Variants in IMMP2L observed in about 807,000 individuals in gnomAD.
The protein encoded by IMMP2L is inner mitochondrial membrane peptidase subunit 2, also known as mitochondrial inner membrane protease subunit 2.
In IMMP2L, 18 loss-of-function variants were observed where a neutral mutation model predicts 19.3. That is an observed-to-expected ratio of 0.93 (90% CI 0.64 to 1.38). IMMP2L has a LOEUF of 1.38. IMMP2L is among the 40% of genes most tolerant of loss of function. The pLI, the probability that IMMP2L is intolerant of heterozygous loss-of-function variation, is 0.00. For synonymous variants in IMMP2L, 76 were observed against 73.0 expected, an observed-to-expected ratio of 1.04 and a Z score of -0.21; for missense variants, 233 against 218.2, an observed-to-expected ratio of 1.07 and a Z score of -0.43.
chr7:111,073,276 A>G (rs1310809943), intron 3 of IMMP2L, among the ~76,000 whole-genome samples: 1 of 152,154 alleles, frequency 6.6e-6, no homozygotes, highest in East Asian at 1.9e-4. Context: ...GGTGGGGGAG[A>G]CAGAGAGAGG....
intron 4 of IMMP2L, among the ~76,000 whole-genome samples, chr7:110,889,505 G>A (rs943148247): frequency 2.0e-5 from 3 of 152,150 alleles, no homozygotes; most frequent in East Asian, 1.9e-4. Context: ...GGCACGAGGC[G>A]GGGCTCAGGC....
intron 3 of IMMP2L, among the ~76,000 whole-genome samples, chr7:111,183,620 A>G (rs988670199): frequency 6.6e-6 from 1 of 152,034 alleles, no homozygotes; most frequent in African/African-American, 2.4e-5. Context: ...ACACTCTCAG[A>G]CTTACAGTCA....
intron 3 of IMMP2L, among the ~76,000 whole-genome samples, chr7:111,069,023 G>A (rs969768079): frequency 9.9e-5 from 15 of 152,170 alleles, no homozygotes; most frequent in Non-Finnish European, 1.9e-4. Context: ...ATAACTTCTG[G>A]TAATGTAGAA....
intron 2 of IMMP2L, among the ~76,000 whole-genome samples, chr7:111,511,231 C>G (rs1258067098): frequency 6.6e-6 from 1 of 152,048 alleles, no homozygotes; most frequent in Non-Finnish European, 1.5e-5. Flanking sequence ...AAACTAGAGG[C>G]TAGGAACCAC....
At chr7:110,911,321 A>G (rs11980567) in intron 4 of IMMP2L, among the ~76,000 whole-genome samples, 3,776 of 152,242 alleles carry the variant, frequency 0.025, 159 homozygotes, top group African/African-American at 0.085. Flanking sequence ...AATTAAAAAT[A>G]TATTACAAAA....
At chr7:111,073,136 G>A (rs1586090534) in intron 3 of IMMP2L, among the ~76,000 whole-genome samples, 3 of 152,086 alleles carry the variant, frequency 2.0e-5, no homozygotes, top group Admixed American at 6.6e-5. Context: ...AAAGGATGTC[G>A]GGTTAAAGGG....
intron 4 of IMMP2L, among the ~76,000 whole-genome samples, chr7:110,941,590 A>G (rs536012499): frequency 1.3e-4 from 20 of 152,304 alleles, no homozygotes; most frequent in African/African-American, 4.8e-4. Context: ...ATGAGAGACA[A>G]GGGGTTTAAA....
At chr7:110,822,615 G>A (rs1443907413) in intron 5 of IMMP2L, among the ~76,000 whole-genome samples, 1 of 151,844 alleles carries the variant, frequency 6.6e-6, no homozygotes, top group Non-Finnish European at 1.5e-5. Flanking sequence ...ATAGTTTAAG[G>A]GTAATAAATA....
intron 3 of IMMP2L, among the ~76,000 whole-genome samples, chr7:111,278,730 T>G (rs2130545382): frequency 6.6e-6 from 1 of 152,302 alleles, no homozygotes; most frequent in African/African-American, 2.4e-5. Flanking sequence ...TTTATAATTT[T>G]CTAGCTCATA....
chr7:111,025,771 A>G (rs1037405266), intron 3 of IMMP2L, among the ~76,000 whole-genome samples: 1 of 152,170 alleles, frequency 6.6e-6, no homozygotes, highest in Non-Finnish European at 1.5e-5. Context: ...ATAGATGGCT[A>G]GATACATGGA....
chr7:111,263,206 C>T (rs1328249839), intron 3 of IMMP2L, among the ~76,000 whole-genome samples: 1 of 151,928 alleles, frequency 6.6e-6, no homozygotes, highest in Admixed American at 6.6e-5. Context: ...GTGCCAAGGA[C>T]AGAAATAAGG....
chr7:110,958,262 A>T (rs1818571360), intron 4 of IMMP2L, among the ~76,000 whole-genome samples: 1 of 152,044 alleles, frequency 6.6e-6, no homozygotes, highest in Admixed American at 6.6e-5. Context: ...GGCAGTATAT[A>T]TTGGAACTAA....
intron 5 of IMMP2L, among the ~76,000 whole-genome samples, chr7:110,875,059 C>A (rs1050298843): frequency 1.3e-5 from 2 of 152,034 alleles, no homozygotes; most frequent in African/African-American, 2.4e-5. Context: ...AATACTGTTA[C>A]AATGGCACTT....
At chr7:111,034,769 T>C (rs530179763) in intron 3 of IMMP2L, among the ~76,000 whole-genome samples, 1 of 152,264 alleles carries the variant, frequency 6.6e-6, no homozygotes, top group East Asian at 1.9e-4. Context: ...AAAACTTAAA[T>C]GTGATCCTCT....
At chr7:110,859,316 T>A (rs1197288744) in intron 5 of IMMP2L, among the ~76,000 whole-genome samples, 1 of 152,064 alleles carries the variant, frequency 6.6e-6, no homozygotes, top group Non-Finnish European at 1.5e-5. Flanking sequence ...TGCTGTCTGG[T>A]ATCTTTGGCC....
At chr7:111,103,715 CTGTA>C (rs1196440404) in intron 3 of IMMP2L, among the ~76,000 whole-genome samples, 1 of 151,676 alleles carries the variant, frequency 6.6e-6, no homozygotes, top group East Asian at 1.9e-4. Context: ...AGTAACCACT[CTGTA>C]TGTGTCGGGT....
intron 3 of IMMP2L, among the ~76,000 whole-genome samples, chr7:111,209,375 C>T (rs1448881478): frequency 4.5e-5 from 6 of 132,390 alleles, no homozygotes; most frequent in South Asian, 2.3e-4. Context: ...CCAGCCTCGG[C>T]GACAGAGCGA....
At chr7:111,351,266 C>T (rs1317835903) in intron 3 of IMMP2L, among the ~76,000 whole-genome samples, 1 of 152,182 alleles carries the variant, frequency 6.6e-6, no homozygotes, top group Non-Finnish European at 1.5e-5. Flanking sequence ...TCTCTGCTCA[C>T]CGCAACCTCC....
intron 3 of IMMP2L, among the ~76,000 whole-genome samples, chr7:111,239,773 T>G (rs948215133): frequency 6.6e-6 from 1 of 151,888 alleles, no homozygotes; most frequent in Non-Finnish European, 1.5e-5. Context: ...GGGGGAAAAA[T>G]GAGCCAAATC....
Sources: allele counts gnomAD v4.1 joint callset (sites outside exome capture counted in the v4.1 genomes callset), GRCh38; gene constraint gnomAD v4.1.1; transcripts MANE v1.5; gene names NCBI Gene and HGNC (gene_info 2026-07-23, HGNC 2026-07-21).